The following HEMK2 variants were observed in gnomAD, a reference collection of about 807,000 sequenced individuals.
The protein encoded by HEMK2 is HemK methyltransferase 2, ETF1 glutamine and histone H4 lysine.
the HEMK2 span, among the ~76,000 whole-genome samples, chr21:28,598,272 C>T: frequency 3.4e-4 from 51 of 152,094 alleles, no homozygotes; most frequent in African/African-American, 1.1e-3. Context: ...TTGATCATAA[C>T]GTTTATGGTG....
chr21:28,841,369 A>T, the HEMK2 span, among the ~76,000 whole-genome samples: 111 of 19,784 alleles, frequency 5.6e-3, 1 homozygote, highest in African/African-American at 7.2e-3. Context: ...ATATTATATA[A>T]AATATTATAT....
chr21:28,723,310 C>G, the HEMK2 span, among the ~76,000 whole-genome samples: 1 of 152,158 alleles, frequency 6.6e-6, no homozygotes, highest in African/African-American at 2.4e-5. Flanking sequence ...GACACTGTTC[C>G]TGGCCTAGAT....
chr21:28,683,764 T>C, the HEMK2 span, among the ~76,000 whole-genome samples: 1 of 152,136 alleles, frequency 6.6e-6, no homozygotes, highest in Non-Finnish European at 1.5e-5. Flanking sequence ...CCAACAATTT[T>C]AAATAGTGAA....
At chr21:28,854,020 A>G in the HEMK2 span, among the ~76,000 whole-genome samples, 123 of 152,306 alleles carry the variant, frequency 8.1e-4, no homozygotes, top group East Asian at 7.3e-3. Context: ...GACAGGAGAT[A>G]AGACTCTCAC....
At chr21:28,870,890 T>C in the HEMK2 span, among the ~76,000 whole-genome samples, 6 of 152,198 alleles carry the variant, frequency 3.9e-5, no homozygotes, top group East Asian at 1.2e-3. Flanking sequence ...GTAATTATGT[T>C]TGTAAACATC....
chr21:28,695,965 C>T, the HEMK2 span, among the ~76,000 whole-genome samples: 2 of 151,714 alleles, frequency 1.3e-5, no homozygotes, highest in Non-Finnish European at 2.9e-5. Context: ...ACCCGAGACT[C>T]GGTAATTTTT....
At chr21:28,711,220 T>C in the HEMK2 span, among the ~76,000 whole-genome samples, 9 of 152,188 alleles carry the variant, frequency 5.9e-5, no homozygotes, top group Non-Finnish European at 1.0e-4. Flanking sequence ...CTCTTAATTA[T>C]TTTGGAGGAG....
chr21:28,585,328 T>C, the HEMK2 span, among the ~76,000 whole-genome samples: 1 of 84,968 alleles, frequency 1.2e-5, no homozygotes, highest in Non-Finnish European at 2.6e-5. Context: ...CAAGACTCTG[T>C]CTAAATAAAT....
the HEMK2 span, among the ~76,000 whole-genome samples, chr21:28,700,741 T>C: frequency 6.6e-5 from 10 of 152,158 alleles, no homozygotes; most frequent in Non-Finnish European, 4.4e-5. Flanking sequence ...CCATTCCTAT[T>C]GAAGCTATTT....
the HEMK2 span, among the ~76,000 whole-genome samples, chr21:28,749,294 T>C: frequency 0.014 from 2,088 of 152,340 alleles, 28 homozygotes; most frequent in Non-Finnish European, 0.022. Context: ...GCACAACTTA[T>C]ATTGTTACTA....
At chr21:28,598,628 C>T in the HEMK2 span, among the ~76,000 whole-genome samples, 1 of 152,178 alleles carries the variant, frequency 6.6e-6, no homozygotes, top group East Asian at 1.9e-4. Context: ...AAACCACAGC[C>T]ATGAGTTAGT....
At chr21:28,623,158 C>A in the HEMK2 span, among the ~76,000 whole-genome samples, 1 of 152,022 alleles carries the variant, frequency 6.6e-6, no homozygotes, top group Non-Finnish European at 1.5e-5. Context: ...AAAACAACCC[C>A]ATCAAAAGTG....
chr21:28,656,594 A>G, the HEMK2 span, among the ~76,000 whole-genome samples: 1 of 151,842 alleles, frequency 6.6e-6, no homozygotes, highest in African/African-American at 2.4e-5. Flanking sequence ...CATCCATCCT[A>G]CTACTAAAAC....
chr21:28,772,592 T>G, the HEMK2 span, among the ~76,000 whole-genome samples: 9 of 152,230 alleles, frequency 5.9e-5, no homozygotes, highest in Non-Finnish European at 1.5e-5. Flanking sequence ...TCATTTAATG[T>G]ATTTTCAAAT....
the HEMK2 span, among the ~76,000 whole-genome samples, chr21:28,693,305 G>C: frequency 1.3e-5 from 2 of 152,110 alleles, no homozygotes; most frequent in Non-Finnish European, 2.9e-5. Context: ...CATTTGTGAG[G>C]GGTTTTAGGC....
At chr21:28,685,409 A>G in the HEMK2 span, among the ~76,000 whole-genome samples, 1 of 152,230 alleles carries the variant, frequency 6.6e-6, no homozygotes, top group Admixed American at 6.5e-5. Context: ...CTTTCATCAG[A>G]AAGTCACAAA....
chr21:28,860,276 C>T, the HEMK2 span, among the ~76,000 whole-genome samples: 1 of 151,972 alleles, frequency 6.6e-6, no homozygotes, highest in South Asian at 2.1e-4. Context: ...ACTGGCCTAG[C>T]CTCCCAGCCT....
the HEMK2 span, among the ~76,000 whole-genome samples, chr21:28,657,341 T>C: frequency 5.3e-5 from 8 of 152,050 alleles, no homozygotes; most frequent in Non-Finnish European, 7.4e-5. Flanking sequence ...TCCTAAATAA[T>C]AGAAAATTTA....
At chr21:28,883,115 A>AC in the HEMK2 span, 21 of 1,366,194 alleles carry the variant, frequency 1.5e-5, no homozygotes, top group Middle Eastern at 1.2e-3. Context: ...GAATCAAAAT[A>AC]CTCTTCACAG....
Sources: allele counts gnomAD v4.1 joint callset (sites outside exome capture counted in the v4.1 genomes callset), GRCh38; gene constraint gnomAD v4.1.1; transcripts MANE v1.5; gene names NCBI Gene and HGNC (gene_info 2026-07-23, HGNC 2026-07-21).